KIAA1328: variants seen among roughly 807,000 people sequenced by gnomAD.
KIAA1328 encodes KIAA1328, also known as protein hinderin.
Under a neutral mutation model 68.1 loss-of-function variants are expected in KIAA1328, and 52 were observed. That is an observed-to-expected ratio of 0.76 (90% CI 0.61 to 0.96). The LOEUF (loss-of-function observed/expected upper bound fraction) is 0.96, where lower values mean the gene tolerates loss of function less well. Among genes scored for constraint, KIAA1328 ranks in the 40% least tolerant of loss-of-function variants. KIAA1328 has a pLI of 0.00. For synonymous variants in KIAA1328, 232 were observed against 239.4 expected, an observed-to-expected ratio of 0.97 and a Z score of 0.28; for missense variants, 641 against 677.6, an observed-to-expected ratio of 0.95 and a Z score of 0.60.
intron 6 of KIAA1328, among the ~76,000 whole-genome samples, chr18:37,036,340 T>C (rs2055027656): frequency 6.6e-6 from 1 of 152,204 alleles, no homozygotes; most frequent in Non-Finnish European, 1.5e-5. Context: ...AAAAACAGAC[T>C]GGACTAAGGT....
chr18:36,992,990 C>T (rs900781677), intron 6 of KIAA1328, among the ~76,000 whole-genome samples: 4 of 151,958 alleles, frequency 2.6e-5, no homozygotes, highest in Non-Finnish European at 5.9e-5. Context: ...ACCTGTAGTC[C>T]CAGCTCCTGG....
At chr18:37,128,768 A>G (rs1199250046) in intron 7 of KIAA1328, among the ~76,000 whole-genome samples, 1 of 152,226 alleles carries the variant, frequency 6.6e-6, no homozygotes, top group Non-Finnish European at 1.5e-5. Flanking sequence ...TCAACTGGCA[A>G]ATGTATAATA....
chr18:36,836,300 T>G (rs2046672908), intron 3 of KIAA1328, among the ~76,000 whole-genome samples: 1 of 152,174 alleles, frequency 6.6e-6, no homozygotes, highest in Non-Finnish European at 1.5e-5. Flanking sequence ...TAAAAAATGT[T>G]TTTTCACATA....
intron 9 of KIAA1328, chr18:37,193,669 A>T (rs1056564111): frequency 1.4e-6 from 1 of 702,354 alleles, no homozygotes. Context: ...GCTAGGCTAC[A>T]CGGATTATGG....
chr18:37,130,778 T>G (rs979171830), intron 7 of KIAA1328, among the ~76,000 whole-genome samples: 6 of 151,562 alleles, frequency 4.0e-5, no homozygotes, highest in Non-Finnish European at 5.9e-5. Context: ...AAAAAAAGAG[T>G]ATGTGTCTTT....
At chr18:37,136,388 T>A (rs2058645106) in intron 7 of KIAA1328, among the ~76,000 whole-genome samples, 1 of 152,224 alleles carries the variant, frequency 6.6e-6, no homozygotes, top group South Asian at 2.1e-4. Flanking sequence ...TATATCCTCA[T>A]AGTGTCTTTC....
intron 6 of KIAA1328, among the ~76,000 whole-genome samples, chr18:36,971,303 G>T (rs2052197839): frequency 6.6e-6 from 1 of 152,172 alleles, no homozygotes; most frequent in African/African-American, 2.4e-5. Flanking sequence ...AATTCAAGAT[G>T]AATTAAAGAC....
chr18:37,019,481 G>A (rs1345083009), intron 6 of KIAA1328, among the ~76,000 whole-genome samples: 2 of 152,236 alleles, frequency 1.3e-5, no homozygotes, highest in Non-Finnish European at 2.9e-5. Context: ...AACAGATCTG[G>A]ACCAGGCAGG....
intron 5 of KIAA1328, among the ~76,000 whole-genome samples, chr18:36,891,057 G>C (rs770696108): frequency 1.3e-5 from 2 of 152,090 alleles, no homozygotes; most frequent in Non-Finnish European, 2.9e-5. Flanking sequence ...AATTACATTC[G>C]AAAATTAAGA....
chr18:37,163,840 A>G (rs183797885), intron 8 of KIAA1328, among the ~76,000 whole-genome samples: 31 of 152,350 alleles, frequency 2.0e-4, no homozygotes, highest in Admixed American at 2.0e-3. Context: ...TTAAGATACT[A>G]CTTCTGATTC....
chr18:36,915,077 C>T (rs2049632891), intron 5 of KIAA1328, among the ~76,000 whole-genome samples: 1 of 152,108 alleles, frequency 6.6e-6, no homozygotes, highest in South Asian at 2.1e-4. Context: ...AGCTAGAATG[C>T]TAAAACACTT....
intron 6 of KIAA1328, among the ~76,000 whole-genome samples, chr18:37,042,537 A>C (rs2055297870): frequency 6.6e-6 from 1 of 151,922 alleles, no homozygotes; most frequent in South Asian, 2.1e-4. Context: ...TTGACAGTTT[A>C]TTTTTTTCAA....
At chr18:37,054,528 A>G (rs1485818) in intron 6 of KIAA1328, among the ~76,000 whole-genome samples, 118,079 of 152,166 alleles carry the variant, frequency 0.78, 46,475 homozygotes, top group African/African-American at 0.91. Flanking sequence ...GGATGCAGCC[A>G]GAGGCCATTA....
At chr18:36,918,494 C>T (rs1232901178) in intron 5 of KIAA1328, among the ~76,000 whole-genome samples, 1 of 150,960 alleles carries the variant, frequency 6.6e-6, no homozygotes, top group Non-Finnish European at 1.5e-5. Flanking sequence ...CTCACTGCAA[C>T]CTCCGCCTCT....
At chr18:36,966,428 G>A (rs189237154) in intron 6 of KIAA1328, among the ~76,000 whole-genome samples, 4 of 152,014 alleles carry the variant, frequency 2.6e-5, no homozygotes, top group African/African-American at 9.6e-5. Context: ...TATAAAGATC[G>A]TGTGTGTGTG....
chr18:36,987,392 A>G (rs1188873765), intron 6 of KIAA1328, among the ~76,000 whole-genome samples: 2 of 147,706 alleles, frequency 1.4e-5, no homozygotes, highest in African/African-American at 4.9e-5. Context: ...GCTAGATGAC[A>G]CGTTAGTGGG....
chr18:36,925,681 G>A (rs527414494), intron 5 of KIAA1328, among the ~76,000 whole-genome samples: 2 of 152,050 alleles, frequency 1.3e-5, no homozygotes, highest in South Asian at 2.1e-4. Context: ...GGGACTACAG[G>A]TGCATGCCAC....
chr18:36,986,437 G>A (rs1341477235), intron 6 of KIAA1328, among the ~76,000 whole-genome samples: 2 of 144,854 alleles, frequency 1.4e-5, no homozygotes, highest in East Asian at 4.1e-4. Flanking sequence ...AGGACTTCAT[G>A]TCCAAAACAC....
rs901338045 is a variant in KIAA1328, at chr18:37,100,365, G to A, written c.1232+32820G>A. On this transcript the variant is annotated intron_variant, in intron 7 of 9. Transcript: ENST00000280020. ...ATGGTCTTAGCAAACGGCACACCAG[G>A]AGAATATACCCTGTGCCTGGCTCGG... 9.0e-4 allele frequency among the ~76,000 whole-genome samples: 137 copies of A among 152,346 alleles called. 1 individual carries two copies. Among genetic ancestry groups the A allele is most frequent in the African/African-American group, 2.9e-3 (119 of 41,578 alleles).
Sources: gnomAD v4.1 joint callset for allele counts (sites outside exome capture counted in the v4.1 genomes callset) on GRCh38, gnomAD v4.1.1 for gene constraint, MANE v1.5 for transcripts, NCBI Gene and HGNC (gene_info 2026-07-23, HGNC 2026-07-21) for gene names.